EPB42: variants seen among roughly 807,000 people sequenced by gnomAD.
The protein encoded by EPB42 is erythrocyte membrane protein band 4.2.
EPB42 carries 49 observed loss-of-function variants against 76.9 expected under a neutral mutation model. That is an observed-to-expected ratio of 0.64 (90% confidence interval 0.51 to 0.81). EPB42 has a LOEUF of 0.81. EPB42 is among the 30% of genes least tolerant of loss of function. The pLI, the probability that EPB42 is intolerant of heterozygous loss-of-function variation, is 0.00. For synonymous variants in EPB42, 310 were observed against 338.4 expected (o/e 0.92, Z 0.92); for missense variants, 731 against 867.6 (o/e 0.84, Z 1.98).
rs542091838 is a variant in EPB42, at chr15:43,216,565, G to A, written c.11-112C>T. 51 of 1,198,932 alleles carry A rather than the reference G, an allele frequency of 4.3e-5. No homozygotes were observed. In the East Asian group the frequency reaches 5.4e-4, roughly 13 times the overall value. The allele number at this position is 1,198,932 out of a possible 1,614,324, so 74.3% of individuals were successfully genotyped here. A position where few individuals can be genotyped will look rare whatever the true frequency, so the allele number is the denominator to read the frequency against. ...GGTTCTAATCCTCGGCTCCACTTACGTTTTAGCTGCGCAATCCCAGGCAAG... is the reference window on the plus strand; with the variant it reads ...GGTTCTAATCCTCGGCTCCACTTACATTTTAGCTGCGCAATCCCAGGCAAG... On this transcript the variant is annotated intron_variant, in intron 1 of 12. Coordinates refer to ENST00000441366, the MANE Select transcript of EPB42 (RefSeq NM_001114134.2).
rs200509497 is a variant in EPB42 at position 43,215,172 on chromosome 15, G to A, written c.353C>T (p.Ser118Leu). 43 of 1,614,244 alleles carry A rather than the reference G, an allele frequency of 2.7e-5. No individual in the cohort carries two copies. The highest frequency in any genetic ancestry group is 1.6e-4 in the Middle Eastern group (1 of 6,062). ...TPADAVIGHY[S>L]LLLQVSGRKQ... ...CCTGCCTGAGACCTGCAGCAGAAGC[G>A]AGTAGTGGCCAATGACAGCGTCCGC... is the stretch of plus-strand genomic sequence containing the variant. The change falls in exon 3 of 13, where the codon TCG (serine) becomes TTG (leucine). Residue 118 changes from serine to leucine, a missense_variant. Transcript: ENST00000441366.
upstream of EPB42, among the ~76,000 whole-genome samples, chr15:43,224,379 G>C (rs1308608643): frequency 2.0e-5 from 3 of 152,102 alleles, no homozygotes. Context: ...ACACAATTCA[G>C]TCCAGAACAA....
Position 43,210,328 on chromosome 15 carries a change from C to T in EPB42, c.654+7G>A, listed in dbSNP as rs72721553. 41,120 of 1,612,534 alleles carry T rather than the reference C, an allele frequency of 0.026. 641 individuals carry two copies. Among genetic ancestry groups the T allele is most frequent in the Non-Finnish European group, 0.03 (35,611 of 1,179,432 alleles). ...GCCCCATTCTGGTTCCCCAGCCTCTCGCTTACCAAGGCACCCAACACACGG... is the reference window on the plus strand; with the variant it reads ...GCCCCATTCTGGTTCCCCAGCCTCTTGCTTACCAAGGCACCCAACACACGG... On this transcript the variant is annotated splice_region_variant and intron_variant, in intron 5 of 12. Coordinates refer to ENST00000441366, the MANE Select transcript of EPB42 (RefSeq NM_001114134.2).
chr15:43,210,616 C>T (rs770755309), intron 4 of EPB42, among the ~76,000 whole-genome samples, 177 bp from the exon 5 acceptor site: 2 of 152,182 alleles, frequency 1.3e-5, no homozygotes, highest in Non-Finnish European at 2.9e-5. Context: ...GCTCCCTCCC[C>T]CAACCTCTCA....
intron 8 of EPB42, 28 bp from the exon 9 acceptor site, chr15:43,207,469 G>A: frequency 6.2e-7 from 1 of 1,611,392 alleles, no homozygotes; most frequent in Non-Finnish European, 8.5e-7. Flanking sequence ...TGGTGAGCAT[G>A]GGAGCTGCGC....
chr15:43,210,959 C>T (rs2042286346), intron 4 of EPB42, among the ~76,000 whole-genome samples: 8 of 152,078 alleles, frequency 5.3e-5, no homozygotes. Flanking sequence ...CCCCTGCCTT[C>T]GGGGATTGGG....
Position 43,208,720 on chromosome 15 carries a change from C to T in EPB42, c.888G>A (p.Gln296=), listed in dbSNP as rs773534624. Residue 296 remains glutamine, a synonymous_variant, in exon 7 of 13, where the codon CAG becomes CAA. Transcript: ENST00000441366. ...ARVVTTFASA[Q]GTGGRLLIDE... ...CTATGAGAAGACGCCCACCGGTGCCCTGTGCTGAGGCAAACGTGGTCACCA... is the reference window on the plus strand; with the variant it reads ...CTATGAGAAGACGCCCACCGGTGCCTTGTGCTGAGGCAAACGTGGTCACCA... 17 of 1,614,078 alleles carry T rather than the reference C, an allele frequency of 1.1e-5. No individual in the cohort carries two copies. In the South Asian group the frequency reaches 1.9e-4, roughly 18 times the overall value.
chr15:43,215,167 G>A lies in EPB42; in HGVS notation c.358C>T (p.Leu120=). The change falls in exon 3 of 13, where the codon CTG becomes TTG. Residue 120 remains leucine (L), a synonymous_variant. Coordinates refer to ENST00000441366, the MANE Select transcript of EPB42 (RefSeq NM_001114134.2). ...TGCTTCCTGCCTGAGACCTGCAGCA[G>A]AAGCGAGTAGTGGCCAATGACAGCG... The part of the protein sequence containing the change: ...ADAVIGHYSL[L]LQVSGRKQLL... 1.2e-6 allele frequency: 2 copies of A among 1,614,242 alleles called. No homozygotes were observed. The highest frequency in any genetic ancestry group is 1.7e-6 in the Non-Finnish European group (2 of 1,180,044).
chr15:43,220,943 T>C lies in EPB42; in HGVS notation c.-118A>G. The stretch of plus-strand genomic sequence containing the variant: ...GACAGAAAATATGAAGGCACTTTTG[T>C]TGGCTTAAGAATCTGGAAATAGCAA... On this transcript the variant is annotated 5_prime_UTR_variant, in exon 1 of 13. Coordinates refer to ENST00000441366, the MANE Select transcript of EPB42 (RefSeq NM_001114134.2). The C allele has an allele frequency of 4.3e-6, 4 of 921,292 alleles. No homozygotes were observed. The highest frequency in any genetic ancestry group is 3.0e-4 in the Middle Eastern group (1 of 3,386). 57.1% of individuals were successfully genotyped at this position (921,292 alleles called of 1,614,324 possible).
At chr15:43,208,610 GA>G (rs1444840124) in intron 7 of EPB42, 26 bp downstream of exon 7, 5 of 1,613,938 alleles carry the variant, frequency 3.1e-6, no homozygotes, top group Non-Finnish European at 4.2e-6. Flanking sequence ...TCCTGGACTG[GA>G]ACCTCATCTC....
chr15:43,212,369 C>CAAAAAAAAAAAAAAAA (rs35031544), intron 3 of EPB42, among the ~76,000 whole-genome samples: 1 of 86,904 alleles, frequency 1.2e-5, no homozygotes, highest in African/African-American at 4.5e-5. Context: ...AACTCCGTCT[C>CAAAAAAAAAAAAAAAA]AAAAAAAAAA....
At chr15:43,204,819 T>C (rs1467672446) in intron 10 of EPB42, among the ~76,000 whole-genome samples, 1 of 152,130 alleles carries the variant, frequency 6.6e-6, no homozygotes, top group Non-Finnish European at 1.5e-5. Context: ...AGTGGGGAGC[T>C]TTACAAAACA....
At chr15:43,199,790 T>C (rs2042100340) in intron 12 of EPB42, among the ~76,000 whole-genome samples, 1 of 152,176 alleles carries the variant, frequency 6.6e-6, no homozygotes, top group Non-Finnish European at 1.5e-5. Context: ...TGGGAGCTGG[T>C]CTTTCCCATG....
intron 2 of EPB42, among the ~76,000 whole-genome samples, chr15:43,215,696 TTTTC>T (rs769936626): frequency 3.2e-4 from 48 of 152,308 alleles, no homozygotes; most frequent in Admixed American, 1.8e-3. Flanking sequence ...AGAATTTTCT[TTTTC>T]TTTCTTTCTT....
intron 3 of EPB42, among the ~76,000 whole-genome samples, chr15:43,212,374 AAAAAAAAAAAAAG>A (rs1161786908): frequency 6.7e-6 from 1 of 149,478 alleles, no homozygotes; most frequent in Admixed American, 6.6e-5. Context: ...CGTCTCAAAA[AAAAAAAAAAAAAG>A]AAAAAAGAAA....
chr15:43,213,599 C>G (rs2042333001), intron 3 of EPB42, among the ~76,000 whole-genome samples: 1 of 152,188 alleles, frequency 6.6e-6, no homozygotes, highest in Non-Finnish European at 1.5e-5. Context: ...ATGGCGGTCA[C>G]CAGGGCCTGG....
At chr15:43,209,496 G>C (rs1338014942) in intron 5 of EPB42, 45 bp from the exon 6 acceptor site, 2 of 1,579,594 alleles carry the variant, frequency 1.3e-6, no homozygotes, top group African/African-American at 2.7e-5. Context: ...CCCTTGGGCA[G>C]GACAGCTTCC....
At chr15:43,221,424 A>G (rs2042459111), upstream of EPB42, among the ~76,000 whole-genome samples, 1 of 152,244 alleles carries the variant, frequency 6.6e-6, no homozygotes. Flanking sequence ...TTGGTGAAAA[A>G]TAAATGTATT....
intron 12 of EPB42, among the ~76,000 whole-genome samples, chr15:43,197,985 C>T (rs1308078227): frequency 2.0e-5 from 3 of 152,182 alleles, no homozygotes; most frequent in African/African-American, 7.2e-5. Context: ...CTCTTGCCAC[C>T]ACCCTGTTAG....
Sources: gnomAD v4.1 joint callset for allele counts (sites outside exome capture counted in the v4.1 genomes callset) on GRCh38, gnomAD v4.1.1 for gene constraint, MANE v1.5 for transcripts, NCBI Gene and HGNC (gene_info 2026-07-23, HGNC 2026-07-21) for gene names.